The following TOX2 variants were observed in gnomAD, a reference collection of about 807,000 sequenced individuals.
The protein encoded by TOX2 is TOX high mobility group box family member 2, also known as granulosa cell HMG box 1.
TOX2 carries 15 observed loss-of-function variants against 47.4 expected under a neutral mutation model. The observed-to-expected ratio is 0.32, with a 90% CI of 0.21 to 0.49. TOX2 has a LOEUF of 0.49. Ranked by LOEUF, TOX2 falls within the 20% of genes least tolerant of loss-of-function variation. The probability of loss-of-function intolerance (pLI) is 0.99; values close to 1 mark genes in which losing one functional copy is unlikely to be tolerated. For missense variants in TOX2, 622 were observed against 673.1 expected (o/e 0.92, Z 0.84); for synonymous variants, 290 against 296.6 (o/e 0.98, Z 0.23).
chr20:43,951,705 A>ATTTTTTTTT (rs1212223106), intron 1 of TOX2, among the ~76,000 whole-genome samples: 9 of 30,380 alleles, frequency 3.0e-4, no homozygotes, highest in South Asian at 1.3e-3. Context: ...TAAACTTATT[A>ATTTTTTTTT]TGTTTTTTTT....
At chr20:43,936,061 C>G (rs184647243) in intron 1 of TOX2, among the ~76,000 whole-genome samples, 1 of 152,132 alleles carries the variant, frequency 6.6e-6, no homozygotes, top group East Asian at 1.9e-4. Flanking sequence ...CTTTTGGAGA[C>G]CCTTTCATGT....
intron 5 of TOX2, among the ~76,000 whole-genome samples, chr20:44,055,405 G>A (rs1403795341): frequency 6.6e-6 from 1 of 152,192 alleles, no homozygotes; most frequent in Non-Finnish European, 1.5e-5. Context: ...AGTTCTCTTT[G>A]GAGGAGGGGA....
intron 1 of TOX2, among the ~76,000 whole-genome samples, chr20:43,948,816 G>C (rs1237851540): frequency 6.6e-6 from 1 of 152,254 alleles, no homozygotes; most frequent in Admixed American, 6.5e-5. Flanking sequence ...CCATTTTCCA[G>C]GGAGGGCCTC....
At chr20:43,982,206 G>A (rs1476661229) in intron 2 of TOX2, among the ~76,000 whole-genome samples, 1 of 152,140 alleles carries the variant, frequency 6.6e-6, no homozygotes, top group Non-Finnish European at 1.5e-5. Context: ...GAAGGTGTCA[G>A]TCTTCTCAGA....
At chr20:44,004,856 C>G (rs1025932491) in intron 2 of TOX2, among the ~76,000 whole-genome samples, 6 of 152,166 alleles carry the variant, frequency 3.9e-5, no homozygotes, top group African/African-American at 1.4e-4. Flanking sequence ...TAGGTTTCCC[C>G]CCACCTCTAT....
intron 1 of TOX2, among the ~76,000 whole-genome samples, chr20:43,921,691 C>T (rs2069114420): frequency 6.6e-6 from 1 of 151,858 alleles, no homozygotes; most frequent in Non-Finnish European, 1.5e-5. Context: ...CACAGTCTTG[C>T]TCTCTTGCCC....
Position 44,038,952 on chromosome 20 carries a change from G to A in TOX2, c.412-12354G>A. The A allele has an allele frequency of 4.2e-6, 5 of 1,184,146 alleles. No individual in the cohort carries two copies. The South Asian group carries it at 7.9e-5, about 19-fold the overall frequency. The allele number at this position is 1,184,146 out of a possible 1,614,324, so 73.4% of individuals were successfully genotyped here. A position where few individuals can be genotyped will look rare whatever the true frequency, so the allele number is the denominator to read the frequency against. On this transcript the variant is annotated intron_variant, in intron 3 of 8. Coordinates refer to ENST00000341197, the MANE Select transcript of TOX2 (RefSeq NM_001098797.2). ...GCCGCCTCGTTCCTGCTGCCTCCGTGTCTCCTCCTTCCTGGGGCGGGTGCA... is the reference window on the plus strand; with the variant it reads ...GCCGCCTCGTTCCTGCTGCCTCCGTATCTCCTCCTTCCTGGGGCGGGTGCA...
intron 3 of TOX2, among the ~76,000 whole-genome samples, chr20:44,050,161 A>G (rs935968672): frequency 2.0e-5 from 3 of 152,168 alleles, no homozygotes; most frequent in Non-Finnish European, 2.9e-5. Flanking sequence ...GCATCAAAAC[A>G]TATCGTACAT....
At chr20:44,051,082 T>C (rs2071500626) in intron 3 of TOX2, among the ~76,000 whole-genome samples, 2 of 152,234 alleles carry the variant, frequency 1.3e-5, no homozygotes, top group African/African-American at 4.8e-5. Context: ...GTCAGTAGAA[T>C]GGCACACAGC....
chr20:43,978,763 T>TTGTGTGTG (rs9305120), intron 2 of TOX2, among the ~76,000 whole-genome samples: 12,665 of 146,494 alleles, frequency 0.086, 658 homozygotes, highest in East Asian at 0.17. Flanking sequence ...TTGAAAGAAC[T>TTGTGTGTG]TGTGTGTGTG....
chr20:43,928,999 A>AAAAAAAAAAAAAC (rs2069216720), intron 1 of TOX2, among the ~76,000 whole-genome samples: 2 of 144,832 alleles, frequency 1.4e-5, no homozygotes, highest in Admixed American at 7.0e-5. Flanking sequence ...AAAAAAAAAA[A>AAAAAAAAAAAAAC]CAACAACAAA....
At chr20:44,063,361 A>G (rs1431062575) in intron 5 of TOX2, among the ~76,000 whole-genome samples, 1 of 152,272 alleles carries the variant, frequency 6.6e-6, no homozygotes, top group African/African-American at 2.4e-5. Flanking sequence ...ACAAATGGCC[A>G]ACAAACATAT....
At chr20:44,065,465 G>T (rs1049405369) in intron 6 of TOX2, among the ~76,000 whole-genome samples, 1 of 152,222 alleles carries the variant, frequency 6.6e-6, no homozygotes, top group Admixed American at 6.5e-5. Context: ...TGTCTCACTG[G>T]CCAGGCTGAG....
intron 1 of TOX2, among the ~76,000 whole-genome samples, chr20:43,918,162 G>C (rs540674368): frequency 2.0e-5 from 3 of 152,238 alleles, no homozygotes; most frequent in African/African-American, 7.2e-5. Context: ...TCAGATTTTG[G>C]CAAGGCATCT....
At chr20:43,969,923 C>T (rs1031796417) in intron 1 of TOX2, among the ~76,000 whole-genome samples, 1 of 152,188 alleles carries the variant, frequency 6.6e-6, no homozygotes, top group African/African-American at 2.4e-5. Context: ...CCACTGCCCA[C>T]CCCCTTGCCT....
intron 1 of TOX2, among the ~76,000 whole-genome samples, chr20:43,970,717 C>A (rs544740739): frequency 1.5e-4 from 23 of 152,182 alleles, no homozygotes; most frequent in Non-Finnish European, 3.2e-4. Flanking sequence ...CTGAGAGCGC[C>A]CCCACCCTGC....
rs113770586 is a variant in TOX2 at position 43,994,667 on chromosome 20, A to G, written c.166-11880A>G. Among the ~76,000 whole-genome samples, 22 of 152,192 alleles carry G rather than the reference A, an allele frequency of 1.4e-4. 1 individual carries two copies. Among genetic ancestry groups the G allele is most frequent in the African/African-American group, 5.1e-4 (21 of 41,512 alleles). On this transcript the variant is annotated intron_variant, in intron 2 of 8. Coordinates refer to ENST00000341197, the MANE Select transcript of TOX2 (RefSeq NM_001098797.2). ...CCCCAAACCCACCCACCAATCATGT[A>G]TCTTTCCAGAGCCTCCCCGTCCCTG...
At chr20:44,045,040 T>G (rs950669609) in intron 3 of TOX2, among the ~76,000 whole-genome samples, 5 of 152,172 alleles carry the variant, frequency 3.3e-5, no homozygotes, top group African/African-American at 1.2e-4. Context: ...ATTCCACTTG[T>G]TTGAGGTACC....
At chr20:43,962,193 C>T (rs1236603071) in intron 1 of TOX2, among the ~76,000 whole-genome samples, 3 of 152,140 alleles carry the variant, frequency 2.0e-5, no homozygotes, top group Non-Finnish European at 4.4e-5. Flanking sequence ...AGTGGCAGTA[C>T]CAGGGAAGGA....
Sources: gnomAD v4.1 joint callset for allele counts (sites outside exome capture counted in the v4.1 genomes callset) on GRCh38, gnomAD v4.1.1 for gene constraint, MANE v1.5 for transcripts, NCBI Gene and HGNC (gene_info 2026-07-23, HGNC 2026-07-21) for gene names.